The following ZNF385D variants were observed in gnomAD, a reference collection of about 807,000 sequenced individuals.
The protein encoded by ZNF385D is zinc finger protein 659.
Under a neutral mutation model 35.8 loss-of-function variants are expected in ZNF385D, and 15 were observed. That is an observed-to-expected ratio of 0.42 (90% CI 0.28 to 0.64). ZNF385D has a LOEUF of 0.64. ZNF385D is among the 30% of genes least tolerant of loss of function. ZNF385D has a pLI of 0.23. For synonymous variants in ZNF385D, 212 were observed against 186.8 expected (o/e 1.13, Z -1.10); for missense variants, 474 against 494.6 (o/e 0.96, Z 0.39).
intron 3 of ZNF385D, among the ~76,000 whole-genome samples, chr3:21,822,647 G>C (rs927488180): frequency 6.6e-6 from 1 of 152,070 alleles, no homozygotes; most frequent in Admixed American, 6.6e-5. Flanking sequence ...GTTGATACTG[G>C]CATTATTAAA....
At chr3:21,526,603 A>G (rs1708239985) in intron 3 of ZNF385D, among the ~76,000 whole-genome samples, 1 of 152,176 alleles carries the variant, frequency 6.6e-6, no homozygotes, top group Non-Finnish European at 1.5e-5. Flanking sequence ...AGAGCTTCTG[A>G]AAGGGAATGC....
Position 22,083,337 on chromosome 3 carries a change from A to C in ZNF385D, c.325+85480T>G, listed in dbSNP as rs555301407. The stretch of plus-strand genomic sequence containing the variant: ...TCGCAAGGAAGGTAAAAACCTGAAA[A>C]AATAGTAGACCAATGGCTAGCTAGA... On this transcript the variant is annotated intron_variant, in intron 3 of 5. Transcript: ENST00000494108. Among the ~76,000 whole-genome samples, 7 of 152,294 alleles carry C rather than the reference A, an allele frequency of 4.6e-5. No individual in the cohort carries two copies. In the South Asian group the frequency reaches 1.5e-3, roughly 32 times the overall value.
intron 2 of ZNF385D, among the ~76,000 whole-genome samples, chr3:22,226,853 T>A (rs973198138): frequency 2.0e-5 from 3 of 152,166 alleles, no homozygotes; most frequent in African/African-American, 7.2e-5. Context: ...CTACCTAATG[T>A]TGTAATCCTG....
intron 5 of ZNF385D, among the ~76,000 whole-genome samples, chr3:21,435,292 C>G (rs1701493704): frequency 7.8e-6 from 1 of 128,486 alleles, no homozygotes; most frequent in African/African-American, 3.0e-5. Context: ...CAGGGTCTCA[C>G]TGTCAGCCAG....
intron 3 of ZNF385D, among the ~76,000 whole-genome samples, chr3:22,104,521 A>G (rs992171697): frequency 3.3e-5 from 5 of 151,894 alleles, no homozygotes; most frequent in African/African-American, 7.3e-5. Flanking sequence ...TTTTACAACC[A>G]CATGATTTTG....
intron 3 of ZNF385D, among the ~76,000 whole-genome samples, chr3:22,086,393 T>C (rs1326319217): frequency 2.0e-5 from 3 of 152,072 alleles, no homozygotes; most frequent in Non-Finnish European, 4.4e-5. Flanking sequence ...ATCACAAGCA[T>C]TCCTATACAC....
At position 21,469,643 on chromosome 3, in the gene ZNF385D, A is replaced by G. The variant is rs577740816; in HGVS notation, c.440-32440T>C. On this transcript the variant is annotated intron_variant, in intron 4 of 7. Coordinates refer to ENST00000281523, the MANE Select transcript of ZNF385D (RefSeq NM_024697.3). The stretch of plus-strand genomic sequence containing the variant: ...ATTATAAGTTGTTCCACTGATACTC[A>G]AGTTCTTTTTTTAATAACTATCTCA... Among the ~76,000 whole-genome samples the G allele has an allele frequency of 1.2e-4, 19 of 152,298 alleles. 1 individual carries two copies. The South Asian group carries it at 2.5e-3, about 20-fold the overall frequency.
intron 3 of ZNF385D, among the ~76,000 whole-genome samples, chr3:21,556,076 T>C (rs1257791318): frequency 6.7e-6 from 1 of 148,556 alleles, no homozygotes; most frequent in Admixed American, 6.7e-5. Flanking sequence ...TTGTTTTTTT[T>C]TTTTTTTTTT....
chr3:22,083,264 G>C (rs569037425), intron 3 of ZNF385D, among the ~76,000 whole-genome samples: 7 of 151,916 alleles, frequency 4.6e-5, no homozygotes, highest in African/African-American at 1.7e-4. Context: ...GCTTCAGAAG[G>C]TCGGTAATAA....
intron 3 of ZNF385D, among the ~76,000 whole-genome samples, chr3:22,142,454 T>C (rs899068693): frequency 5.9e-5 from 9 of 152,218 alleles, no homozygotes; most frequent in African/African-American, 2.2e-4. Context: ...TCAAACCAGA[T>C]GGTTTAATTC....
intron 2 of ZNF385D, among the ~76,000 whole-genome samples, chr3:22,170,543 A>G (rs1694340337): frequency 6.6e-6 from 1 of 152,214 alleles, no homozygotes; most frequent in Non-Finnish European, 1.5e-5. Flanking sequence ...TTCATTTAAA[A>G]TATATTAACT....
chr3:22,078,110 T>C (rs551782303), intron 3 of ZNF385D, among the ~76,000 whole-genome samples: 3 of 152,168 alleles, frequency 2.0e-5, no homozygotes, highest in South Asian at 2.1e-4. Context: ...TTCTCATGAA[T>C]GCTAAAAGCA....
At chr3:22,164,204 A>G (rs1242603193) in intron 3 of ZNF385D, among the ~76,000 whole-genome samples, 1 of 131,646 alleles carries the variant, frequency 7.6e-6, no homozygotes, top group Non-Finnish European at 1.7e-5. Flanking sequence ...TATAGGTAAT[A>G]CAAAAGGAGC....
intron 2 of ZNF385D, among the ~76,000 whole-genome samples, chr3:22,170,749 G>T (rs1400061375): frequency 6.6e-6 from 1 of 151,932 alleles, no homozygotes; most frequent in Non-Finnish European, 1.5e-5. Flanking sequence ...ATCTATCCAG[G>T]TTATAATCAG....
chr3:21,686,717 A>G (rs1030087111), intron 1 of ZNF385D, among the ~76,000 whole-genome samples: 9 of 152,180 alleles, frequency 5.9e-5, no homozygotes, highest in Admixed American at 5.9e-4. Context: ...GCTAGTGGCT[A>G]TTGTGTTTGT....
chr3:21,926,438 T>C (rs1314833362), intron 3 of ZNF385D, among the ~76,000 whole-genome samples: 2 of 152,176 alleles, frequency 1.3e-5, no homozygotes, highest in African/African-American at 4.8e-5. Context: ...TCCAGCTTAA[T>C]CCATGTCCCT....
At chr3:21,517,180 G>T (rs1001009036) in intron 3 of ZNF385D, among the ~76,000 whole-genome samples, 1 of 151,778 alleles carries the variant, frequency 6.6e-6, no homozygotes, top group African/African-American at 2.4e-5. Context: ...TCAGCCCACA[G>T]TTAAACTGCT....
At chr3:21,764,107 G>A (rs1394603972) in intron 3 of ZNF385D, among the ~76,000 whole-genome samples, 2 of 152,066 alleles carry the variant, frequency 1.3e-5, no homozygotes, top group Admixed American at 6.6e-5. Flanking sequence ...AGAATTTGAC[G>A]TCTAATATAA....
intron 2 of ZNF385D, among the ~76,000 whole-genome samples, chr3:22,345,879 C>G (rs771685141): frequency 1.3e-5 from 2 of 152,156 alleles, no homozygotes; most frequent in Non-Finnish European, 2.9e-5. Flanking sequence ...TGCACTCTTG[C>G]CCAAGTCAGG....
Sources: gnomAD v4.1 joint callset for allele counts (sites outside exome capture counted in the v4.1 genomes callset) on GRCh38, gnomAD v4.1.1 for gene constraint, MANE v1.5 for transcripts, NCBI Gene and HGNC (gene_info 2026-07-23, HGNC 2026-07-21) for gene names.